The following PROS1 variants were observed in gnomAD, a reference collection of about 807,000 sequenced individuals.
The protein encoded by PROS1 is vitamin K-dependent protein S.
Under a neutral mutation model 75.9 loss-of-function variants are expected in PROS1, and 29 were observed. The observed-to-expected ratio is 0.38, with a 90% CI of 0.28 to 0.52. The LOEUF is 0.52. Ranked by LOEUF, PROS1 falls within the 20% of genes least tolerant of loss-of-function variation. The probability of loss-of-function intolerance (pLI) is 0.83; values close to 1 mark genes in which losing one functional copy is unlikely to be tolerated. For synonymous variants in PROS1, 245 were observed against 280.6 expected (o/e 0.87, Z 1.27); for missense variants, 680 against 810.3 (o/e 0.84, Z 1.95).
At chr3:93,953,640 G>T (rs1385659612) in intron 1 of PROS1, among the ~76,000 whole-genome samples, 1 of 151,236 alleles carries the variant, frequency 6.6e-6, no homozygotes. Flanking sequence ...GGGCAAAAAT[G>T]GAAGCATTCC....
intron 1 of PROS1, among the ~76,000 whole-genome samples, chr3:93,946,078 C>T (rs891223169): frequency 7.9e-5 from 12 of 152,104 alleles, no homozygotes; most frequent in African/African-American, 2.7e-4. Flanking sequence ...GAATAAAATA[C>T]CTAGGAATCC....
chr3:93,957,736 C>T (rs996966284), intron 1 of PROS1, among the ~76,000 whole-genome samples: 1 of 152,092 alleles, frequency 6.6e-6, no homozygotes, highest in African/African-American at 2.4e-5. Flanking sequence ...TATAAAAATC[C>T]AAGGATGCTC....
At chr3:93,946,803 A>C (rs1709408395) in intron 1 of PROS1, among the ~76,000 whole-genome samples, 1 of 151,672 alleles carries the variant, frequency 6.6e-6, no homozygotes. Context: ...AAAATTGACA[A>C]ATGGGATCTA....
At chr3:93,915,724 T>C (rs1484851399) in intron 3 of PROS1, among the ~76,000 whole-genome samples, 2 of 152,174 alleles carry the variant, frequency 1.3e-5, no homozygotes, top group African/African-American at 2.4e-5. Flanking sequence ...ACCAACAATC[T>C]AATCATGACA....
chr3:93,936,663 A>C (rs1287655778), intron 1 of PROS1, among the ~76,000 whole-genome samples: 1 of 152,170 alleles, frequency 6.6e-6, no homozygotes, highest in Non-Finnish European at 1.5e-5. Context: ...CCAGAACTGC[A>C]AGAAAATAAA....
At position 93,973,836 on chromosome 3, in the gene PROS1, G is replaced by A; in HGVS notation, c.-87C>T. 8.2e-7 allele frequency: 1 copy of A among 1,226,210 alleles called. No homozygotes were observed. Among genetic ancestry groups the A allele is most frequent in the Admixed American group, 2.4e-5 (1 of 41,542 alleles). The allele number at this position is 1,226,210 out of a possible 1,614,324, so 76.0% of individuals were successfully genotyped here. On this transcript the variant is annotated 5_prime_UTR_variant, in exon 1 of 15. Coordinates refer to ENST00000394236, the MANE Select transcript of PROS1 (RefSeq NM_000313.4). Reference sequence around the variant, plus strand: ...AGGCGCCGCGGAGCTGCGAGCCTGTGCGCCTCGGTCTGAGCCGTGCTGCGC... The same window carrying A: ...AGGCGCCGCGGAGCTGCGAGCCTGTACGCCTCGGTCTGAGCCGTGCTGCGC...
At chr3:93,891,233 C>G (rs1384557335) in intron 10 of PROS1, among the ~76,000 whole-genome samples, 4 of 152,136 alleles carry the variant, frequency 2.6e-5, no homozygotes, top group Non-Finnish European at 5.9e-5. Context: ...TAAGGTGAAG[C>G]CAATCTTCTC....
At chr3:93,958,870 T>C (rs1247592798) in intron 1 of PROS1, 1 of 152,328 alleles carries the variant, frequency 6.6e-6, no homozygotes, top group East Asian at 1.9e-4. Flanking sequence ...CCTCTTTCTT[T>C]GGTAAACTGC....
At chr3:93,889,290 C>A (rs5000737) in intron 10 of PROS1, among the ~76,000 whole-genome samples, 8 of 152,066 alleles carry the variant, frequency 5.3e-5, no homozygotes, top group Non-Finnish European at 1.2e-4. Flanking sequence ...ACCATTAGAA[C>A]GCAAGCTCCA....
chr3:93,957,378 CT>C (rs1308919212), intron 1 of PROS1, among the ~76,000 whole-genome samples: 2 of 152,082 alleles, frequency 1.3e-5, no homozygotes, highest in Non-Finnish European at 2.9e-5. Context: ...TATTGCATAT[CT>C]GTATTTTCAA....
intron 1 of PROS1, among the ~76,000 whole-genome samples, chr3:93,928,084 G>A (rs1317404612): frequency 3.0e-5 from 4 of 131,210 alleles, no homozygotes; most frequent in Non-Finnish European, 4.7e-5. Context: ...GCATGATCTC[G>A]GCTCACTGCA....
At chr3:93,910,852 C>A in intron 3 of PROS1, 147 bp from the exon 4 acceptor site, 2 of 677,848 alleles carry the variant, frequency 3.0e-6, no homozygotes, top group Admixed American at 2.7e-5. Context: ...TAAATGTTTC[C>A]ATCTACCTTT....
chr3:93,885,195 T>C (rs1451528906), intron 11 of PROS1, among the ~76,000 whole-genome samples: 7 of 152,220 alleles, frequency 4.6e-5, no homozygotes, highest in Middle Eastern at 3.4e-3. Context: ...AAGTTCTATA[T>C]TTGCTTCTAG....
At chr3:93,879,727 A>G (rs1418702603) in intron 12 of PROS1, among the ~76,000 whole-genome samples, 8 of 152,242 alleles carry the variant, frequency 5.3e-5, no homozygotes, top group African/African-American at 1.9e-4. Flanking sequence ...AGTTGCCATC[A>G]TCACTCCAAA....
intron 12 of PROS1, among the ~76,000 whole-genome samples, chr3:93,882,026 T>C (rs1214999119): frequency 6.6e-6 from 1 of 152,150 alleles, no homozygotes; most frequent in Non-Finnish European, 1.5e-5. Flanking sequence ...AATTAGAATT[T>C]ATAAATAGCT....
intron 1 of PROS1, chr3:93,958,420 T>C (rs939500110): frequency 6.6e-6 from 1 of 152,226 alleles, no homozygotes; most frequent in Non-Finnish European, 1.5e-5. Context: ...CAATCCTACA[T>C]TTGATAAAAT....
rs181875822 is a variant in PROS1, at chr3:93,946,693, C to A, written c.77-19286G>T. Among the ~76,000 whole-genome samples the A allele has an allele frequency of 6.1e-3, 924 of 151,900 alleles. 8 individuals are homozygous for A. The highest frequency in any genetic ancestry group is 0.014 in the Middle Eastern group (4 of 294). On this transcript the variant is annotated intron_variant, in intron 1 of 14. Transcript: ENST00000394236. ...AAGACTTAAATGTTAGACCTAAAAC[C>A]ATAAAAACCCTAGAAGAAAACCTAA...
chr3:93,879,346 A>C, intron 12 of PROS1, 32 bp from the exon 13 acceptor site: 6 of 1,609,446 alleles, frequency 3.7e-6, no homozygotes, highest in Non-Finnish European at 5.1e-6. Context: ...AAGCATGATC[A>C]ATGCACTCCT....
At chr3:93,948,985 C>T (rs2107239304) in intron 1 of PROS1, among the ~76,000 whole-genome samples, 2 of 152,236 alleles carry the variant, frequency 1.3e-5, no homozygotes, top group South Asian at 4.1e-4. Flanking sequence ...GAAATAAAAA[C>T]ATTGCAAGCA....
Sources: gnomAD v4.1 joint callset for allele counts (sites outside exome capture counted in the v4.1 genomes callset) on GRCh38, gnomAD v4.1.1 for gene constraint, MANE v1.5 for transcripts, NCBI Gene and HGNC (gene_info 2026-07-23, HGNC 2026-07-21) for gene names.